The following CRTC3 variants were observed in gnomAD, a reference collection of about 807,000 sequenced individuals.
CRTC3 encodes CREB regulated transcription coactivator 3, also known as CREB-regulated transcription coactivator 3.
CRTC3 carries 26 observed loss-of-function variants against 74.5 expected under a neutral mutation model. The ratio of observed to expected loss-of-function variants is 0.35; its 90% confidence interval spans 0.26 to 0.48. The LOEUF is 0.48. Among genes scored for constraint, CRTC3 ranks in the 20% least tolerant of loss-of-function variants. The probability of loss-of-function intolerance (pLI) is 0.99; values close to 1 mark genes in which losing one functional copy is unlikely to be tolerated. For missense variants in CRTC3, 760 were observed against 787.3 expected (o/e 0.97, Z 0.41); for synonymous variants, 377 against 325.8 (o/e 1.16, Z -1.69).
intron 9 of CRTC3, chr15:90,625,071 T>C (rs1047539263): frequency 3.3e-5 from 5 of 152,600 alleles, no homozygotes; most frequent in African/African-American, 7.2e-5. Context: ...AGGTATAATA[T>C]GTCAGGATAG....
chr15:90,615,542 A>G (rs1968470491), intron 7 of CRTC3, among the ~76,000 whole-genome samples: 1 of 152,276 alleles, frequency 6.6e-6, no homozygotes, highest in Non-Finnish European at 1.5e-5. Context: ...ATAAAATCAC[A>G]AAAAGGTAAA....
intron 2 of CRTC3, among the ~76,000 whole-genome samples, chr15:90,545,619 C>T (rs1596073071): frequency 6.6e-6 from 1 of 151,986 alleles, no homozygotes; most frequent in East Asian, 1.9e-4. Flanking sequence ...CTCTTTCGCC[C>T]AGGCTGGAGT....
At chr15:90,543,504 TTTTA>T (rs1171184974) in intron 2 of CRTC3, among the ~76,000 whole-genome samples, 3 of 152,164 alleles carry the variant, frequency 2.0e-5, no homozygotes, top group Admixed American at 6.5e-5. Flanking sequence ...TAATCTATTA[TTTTA>T]TTTATTCATT....
chr15:90,614,329 CAA>C (rs1230046159), intron 6 of CRTC3, 122 bp from the exon 7 acceptor site: 3 of 664,296 alleles, frequency 4.5e-6, no homozygotes, highest in African/African-American at 3.7e-5. Context: ...ATCAGTGTAT[CAA>C]AAGTGCCTTA....
intron 2 of CRTC3, among the ~76,000 whole-genome samples, chr15:90,545,798 T>TA (rs1185525957): frequency 3.9e-5 from 6 of 151,974 alleles, no homozygotes; most frequent in South Asian, 2.1e-4. Flanking sequence ...CAGGATGGTC[T>TA]CCATCTCCTG....
intron 2 of CRTC3, among the ~76,000 whole-genome samples, chr15:90,586,122 C>T (rs2151075186): frequency 6.6e-6 from 1 of 152,248 alleles, no homozygotes; most frequent in Non-Finnish European, 1.5e-5. Flanking sequence ...GTTGCTCTTG[C>T]AGGAGTTTTA....
intron 10 of CRTC3, among the ~76,000 whole-genome samples, chr15:90,626,885 G>A (rs546426846): frequency 6.6e-6 from 1 of 152,374 alleles, no homozygotes; most frequent in Admixed American, 6.5e-5. Context: ...AAAGTGCTGG[G>A]ATTACAGGCG....
Position 90,643,469 on chromosome 15 carries a change from C to T in CRTC3, c.*1329C>T, listed in dbSNP as rs1213282981. ...TCCGGAAGGGCTGAGCAGGTGAGTGCCCTGAGCATCCTGGCTGGGCCCCAC... is the reference window on the plus strand; with the variant it reads ...TCCGGAAGGGCTGAGCAGGTGAGTGTCCTGAGCATCCTGGCTGGGCCCCAC... On this transcript the variant is annotated 3_prime_UTR_variant, in exon 15 of 15. Coordinates refer to ENST00000268184, the MANE Select transcript of CRTC3 (RefSeq NM_022769.5). 4.4e-6 allele frequency: 1 copy of T among 229,072 alleles called. No homozygotes were observed. Among genetic ancestry groups the T allele is most frequent in the Non-Finnish European group, 8.7e-6 (1 of 115,492 alleles). 14.2% of individuals were successfully genotyped at this position (229,072 alleles called of 1,614,324 possible). A position where few individuals can be genotyped will look rare whatever the true frequency, so the allele number is the denominator to read the frequency against.
intron 3 of CRTC3, 181 bp downstream of exon 3, chr15:90,593,936 C>T (rs1967858814): frequency 1.9e-6 from 1 of 532,880 alleles, no homozygotes; most frequent in Admixed American, 3.8e-5. Flanking sequence ...TTGGAAACAT[C>T]ATTGTAGGTG....
rs137930469 is a variant in CRTC3 at position 90,614,476 on chromosome 15, G to A, written c.601G>A (p.Gly201Arg). The stretch of plus-strand genomic sequence containing the variant: ...AGGTTTCTGTGATGGTGAGAATAAT[G>A]GACATGGGGAAGGTATGAACTGATT... Reference protein sequence around the residue: ...YMGFCDGENNGHGEVASFPGP... With the variant: ...YMGFCDGENNRHGEVASFPGP... Residue 201 changes from glycine to arginine, a missense_variant, in exon 7 of 15, where the codon GGA (glycine) becomes AGA (arginine). Around this residue, in one of 2 missense-constraint regions of CRTC3, gnomAD observed 652 missense variants for 635.2 expected, o/e 1.03. Transcript: ENST00000268184. The A allele has an allele frequency of 7.0e-5, 113 of 1,609,814 alleles. No individual in the cohort carries two copies. Among genetic ancestry groups the A allele is most frequent in the Middle Eastern group, 1.7e-4 (1 of 6,052 alleles).
At chr15:90,545,700 C>T (rs1019854930) in intron 2 of CRTC3, among the ~76,000 whole-genome samples, 8 of 152,084 alleles carry the variant, frequency 5.3e-5, no homozygotes, top group Non-Finnish European at 8.8e-5. Flanking sequence ...CCTCAGCCTC[C>T]CAAGTAGCTG....
In CRTC3 at chr15:90,629,217, A is replaced by G; in HGVS notation, c.968-17A>G. ...GGTCTGAAATTATAAGTAACTTGTG[A>G]ATTTGTTGTCTTCCAGGTCTCCAGA... On this transcript the variant is annotated splice_polypyrimidine_tract_variant and intron_variant, in intron 10 of 14. Coordinates refer to ENST00000268184, the MANE Select transcript of CRTC3 (RefSeq NM_022769.5). The G allele has an allele frequency of 6.3e-7, 1 of 1,599,948 alleles. No homozygotes were observed. Among genetic ancestry groups the G allele is most frequent in the East Asian group, 2.2e-5 (1 of 44,590 alleles).
chr15:90,535,329 G>A (rs915400530), intron 1 of CRTC3, among the ~76,000 whole-genome samples: 10 of 152,124 alleles, frequency 6.6e-5, no homozygotes, highest in African/African-American at 2.4e-4. Flanking sequence ...GAAGAGGAGG[G>A]AATGCCGACC....
chr15:90,617,611 C>T (rs1199927784), intron 7 of CRTC3, among the ~76,000 whole-genome samples: 1 of 152,128 alleles, frequency 6.6e-6, no homozygotes, highest in Admixed American at 6.5e-5. Context: ...CTCAGTGCAG[C>T]CTCAGCCTCT....
Position 90,627,619 on chromosome 15 carries a change from T to A in CRTC3, c.968-1615T>A, listed in dbSNP as rs1968883812. On this transcript the variant is annotated intron_variant, in intron 10 of 14. Coordinates refer to ENST00000268184, the MANE Select transcript of CRTC3 (RefSeq NM_022769.5). ...CAGAACCAATGTCAGTTTCTGTATT[T>A]TCTTTTTTTTTTTTCTTTTTGAGAC... Among the ~76,000 whole-genome samples, 3 of 151,312 alleles carry A rather than the reference T, an allele frequency of 2.0e-5. No individual in the cohort carries two copies. In the South Asian group the frequency reaches 6.2e-4, roughly 31 times the overall value.
In CRTC3 at chr15:90,579,557, CT is replaced by C. The variant is rs567594768; in HGVS notation, c.232-14076del. 2.6e-3 allele frequency among the ~76,000 whole-genome samples: 390 copies of C among 148,596 alleles called. 4 individuals are homozygous for C. Among genetic ancestry groups the C allele is most frequent in the African/African-American group, 9.3e-3 (372 of 40,094 alleles). ...TGTCCCCTTCCCCTGGGAAAAAATT[CT>C]TTAGCATTTCTCTGTAAATTTCATT... On this transcript the variant is annotated intron_variant, in intron 2 of 14. Coordinates refer to ENST00000268184, the MANE Select transcript of CRTC3 (RefSeq NM_022769.5).
At position 90,530,883 on chromosome 15, in the gene CRTC3, G is replaced by C. The variant is rs796685212; in HGVS notation, c.132+680G>C. On this transcript the variant is annotated intron_variant, in intron 1 of 14. Coordinates refer to ENST00000268184, the MANE Select transcript of CRTC3 (RefSeq NM_022769.5). The surrounding 1 kb of genome is among the most constrained non-coding windows in gnomAD (Gnocchi z 6.2). ...GGACCTGGAGGAATGAGTAAGGCGC[G>C]AGCCGGGACAAACACCTGGAGAGGT... 6.5e-6 allele frequency: 1 copy of C among 152,746 alleles called. No homozygotes were observed. Among genetic ancestry groups the C allele is most frequent in the South Asian group, 2.1e-4 (1 of 4,842 alleles). The allele number at this position is 152,746 out of a possible 1,614,324, so 9.5% of individuals were successfully genotyped here.
chr15:90,599,619 T>C (rs983395912), intron 3 of CRTC3: 2 of 152,220 alleles, frequency 1.3e-5, no homozygotes, highest in Non-Finnish European at 2.9e-5. Context: ...TTAAGAGAGC[T>C]CAGAGGTCAC....
rs887120045 is a variant in CRTC3 at position 90,576,003 on chromosome 15, G to C, written c.232-17633G>C. Among the ~76,000 whole-genome samples the C allele has an allele frequency of 9.9e-5, 15 of 152,136 alleles. 1 individual carries two copies. The highest frequency in any genetic ancestry group is 3.6e-4 in the African/African-American group (15 of 41,432). On this transcript the variant is annotated intron_variant, in intron 2 of 14. Transcript: ENST00000268184. ...ACTGCAGGGTAGAACTAGGTTGGAG[G>C]AAACAAGATTAGAGACAAAAAGACC...
Sources: gnomAD v4.1 joint callset for allele counts (sites outside exome capture counted in the v4.1 genomes callset) on GRCh38, gnomAD v4.1.1 for gene constraint, gnomAD v4.1.1 regional missense constraint, Gnocchi (gnomAD v3.1) non-coding constraint, MANE v1.5 for transcripts, NCBI Gene and HGNC (gene_info 2026-07-23, HGNC 2026-07-21) for gene names.